TRRAP: variants seen among roughly 807,000 people sequenced by gnomAD.
TRRAP encodes transformation/transcription domain associated protein.
In TRRAP, 41 loss-of-function variants were observed where a neutral mutation model predicts 438.8. The ratio of observed to expected loss-of-function variants is 0.09; its 90% CI spans 0.07 to 0.12. TRRAP has a LOEUF of 0.12. Among genes scored for constraint, TRRAP ranks in the 10% least tolerant of loss-of-function variants. The probability of loss-of-function intolerance (pLI) is 1.00; values close to 1 mark genes in which losing one functional copy is unlikely to be tolerated. For synonymous variants in TRRAP, 1,994 were observed against 1,962.9 expected (o/e 1.02, Z -0.42); for missense variants, 3,122 against 5,055.1 (o/e 0.62, Z 11.60).
At position 98,981,841 on chromosome 7, in the gene TRRAP, C is replaced by T; in HGVS notation, c.8707C>T (p.Pro2903Ser). 6.2e-7 allele frequency: 1 copy of T among 1,606,386 alleles called. No individual in the cohort carries two copies. The highest frequency in any genetic ancestry group is 8.5e-7 in the Non-Finnish European group (1 of 1,177,106). The change falls in exon 59 of 73, where the codon CCC (proline) becomes TCC (serine). Residue 2903 changes from proline (P) to serine (S), a missense_variant. Physicochemically the swap from Pro to Ser is moderately conservative, Grantham distance 74. Coordinates refer to ENST00000456197, the MANE Select transcript of TRRAP (RefSeq NM_001375524.1). ...CCGCGGATACCTGGCCATCTGCCAC[C>T]CCGAGGAGCAGCAGCTCAGCTTCAT... ...MYRGYLAICH[P>S]EEQQLSFIER...
At chr7:98,918,785 G>A (rs1584310269) in intron 20 of TRRAP, among the ~76,000 whole-genome samples, 1 of 152,108 alleles carries the variant, frequency 6.6e-6, no homozygotes, top group East Asian at 1.9e-4. Context: ...GCCAGGCACT[G>A]TGGCTCACGC....
intron 18 of TRRAP, 115 bp from the exon 19 acceptor site, chr7:98,915,608 A>G: frequency 7.6e-7 from 1 of 1,318,840 alleles, no homozygotes; most frequent in Admixed American, 2.3e-5. Flanking sequence ...CCTTTGGAGT[A>G]AACACATCAG....
At chr7:98,999,715 G>T in intron 67 of TRRAP, 1 of 756,274 alleles carries the variant, frequency 1.3e-6, no homozygotes, top group Non-Finnish European at 2.3e-6. Context: ...CAGCACAAGT[G>T]GAGGGAGAAA....
rs1398897728 is a variant in TRRAP at position 99,005,353 on chromosome 7, G to A, written c.10753+5G>A. 1.9e-6 allele frequency: 3 copies of A among 1,613,832 alleles called. No homozygotes were observed. The East Asian group carries it at 6.7e-5, about 36-fold the overall frequency. ...AGAGGCACTTGTTTTTCACAGGTAG[G>A]GTTGAGAGCCACAGCTCGCTGGGTA... On this transcript the variant is annotated splice_donor_5th_base_variant and intron_variant, in intron 69 of 72. Coordinates refer to ENST00000456197, the MANE Select transcript of TRRAP (RefSeq NM_001375524.1). The surrounding 1 kb of genome is among the most constrained non-coding windows in gnomAD (Gnocchi z 5.1).
intron 52 of TRRAP, 66 bp from the exon 53 acceptor site, chr7:98,971,733 G>A: frequency 1.3e-6 from 2 of 1,556,806 alleles, no homozygotes; most frequent in Non-Finnish European, 1.7e-6. Context: ...GCCTACAGGA[G>A]GTGTGTTTGT....
chr7:99,002,367 G>A (rs34752106), intron 67 of TRRAP, among the ~76,000 whole-genome samples: 3 of 152,360 alleles, frequency 2.0e-5, no homozygotes, highest in South Asian at 2.1e-4. Flanking sequence ...TGTTGGCATC[G>A]CACTGGGTTG....
In TRRAP at chr7:98,994,450, C is replaced by G; in HGVS notation, c.10048-137C>G. 3 of 1,273,626 alleles carry G rather than the reference C, an allele frequency of 2.4e-6. No individual in the cohort carries two copies. Among genetic ancestry groups the G allele is most frequent in the Non-Finnish European group, 3.3e-6 (3 of 913,636 alleles). 78.9% of individuals were successfully genotyped at this position (1,273,626 alleles called of 1,614,324 possible). On this transcript the variant is annotated intron_variant, in intron 66 of 72. Transcript: ENST00000456197. The surrounding 1 kb of genome is among the most constrained non-coding windows in gnomAD (Gnocchi z 4.8). ...GTTTCTTGCACACGCCGATTTCATG[C>G]CTGCTGTGTGTGGGTCCTGCCGGGG... is the stretch of plus-strand genomic sequence containing the variant.
chr7:98,939,327 T>C (rs2116555267), intron 30 of TRRAP, among the ~76,000 whole-genome samples: 1 of 152,330 alleles, frequency 6.6e-6, no homozygotes, highest in Middle Eastern at 3.4e-3. Flanking sequence ...TATGGATACA[T>C]TGTGTGTGAT....
At chr7:98,973,196 T>C (rs1412478573) in intron 53 of TRRAP, among the ~76,000 whole-genome samples, 1 of 152,166 alleles carries the variant, frequency 6.6e-6, no homozygotes, top group African/African-American at 2.4e-5. Flanking sequence ...GCCAGGCTGA[T>C]CTTGAACTCC....
chr7:98,887,322 A>G (rs1300648440), intron 3 of TRRAP, among the ~76,000 whole-genome samples: 1 of 152,170 alleles, frequency 6.6e-6, no homozygotes, highest in Non-Finnish European at 1.5e-5. Flanking sequence ...ATAACCTGGC[A>G]GTTAGTTCAG....
chr7:98,951,507 T>C (rs1411042352), intron 39 of TRRAP, among the ~76,000 whole-genome samples: 1 of 152,198 alleles, frequency 6.6e-6, no homozygotes, highest in African/African-American at 2.4e-5. Context: ...CTTTACAGTT[T>C]GTGTTAGAGA....
chr7:99,012,342 A>C lies in TRRAP; in HGVS notation c.11609A>C (p.His3870Pro). ...CTGTGCCGCATGGACCCCGCCTGGC[A>C]CCCCTGGCTGTGACTGTGGCCGCCA... ...DNLCRMDPAWHPWL is the reference protein window; with the variant it reads ...DNLCRMDPAWPPWL Residue 3870 changes from histidine to proline, a missense_variant, in exon 73 of 73, where the codon CAC becomes CCC. His to Pro is a moderately conservative substitution (Grantham distance 77). Around this residue, in one of 24 missense-constraint regions of TRRAP, gnomAD observed 192 missense variants for 355.6 expected, o/e 0.54. Transcript: ENST00000456197. This position sits in a 1 kb window ranked among gnomAD's most constrained non-coding sequence, Gnocchi z 5.9. 1 of 1,598,522 alleles carries C rather than the reference A, an allele frequency of 6.3e-7. No homozygotes were observed.
intron 20 of TRRAP, among the ~76,000 whole-genome samples, chr7:98,917,996 C>G (rs1789591592): frequency 6.6e-6 from 1 of 151,792 alleles, no homozygotes; most frequent in African/African-American, 2.4e-5. Context: ...GTGGCCGACA[C>G]CTGTAATCCC....
At chr7:98,884,609 C>A (rs1178058141) in intron 3 of TRRAP, among the ~76,000 whole-genome samples, 2 of 152,156 alleles carry the variant, frequency 1.3e-5, no homozygotes, top group Non-Finnish European at 2.9e-5. Flanking sequence ...GCAGTCCAGC[C>A]CTCAGCTGTC....
chr7:98,925,016 A>G, intron 21 of TRRAP, 96 bp from the exon 22 acceptor site: 1 of 1,475,872 alleles, frequency 6.8e-7, no homozygotes, highest in Non-Finnish European at 9.0e-7. Context: ...AAAAAAAAAA[A>G]AGATTCTTCT....
In TRRAP at chr7:98,967,705, A is replaced by G. The variant is rs75644503; in HGVS notation, c.7512+7A>G. ...GATCAAGCAGTGCATTGAGGTAGGA[A>G]GACTCGGCTCACATCTGTGGCCGGG... is the stretch of plus-strand genomic sequence containing the variant. On this transcript the variant is annotated splice_region_variant and intron_variant, in intron 51 of 72. Transcript: ENST00000456197. 1,996 of 1,612,026 alleles carry G rather than the reference A, an allele frequency of 1.2e-3. 19 individuals carry two copies. In the African/African-American group the frequency reaches 0.02, roughly 16 times the overall value.
intron 16 of TRRAP, 55 bp from the exon 17 acceptor site, chr7:98,911,020 CAT>C (rs1789245010): frequency 6.7e-7 from 1 of 1,487,644 alleles, no homozygotes. Context: ...CATAATGGAA[CAT>C]ATTCAGAGAG....
intron 48 of TRRAP, 48 bp downstream of exon 48, chr7:98,964,823 A>G: frequency 6.4e-7 from 1 of 1,572,442 alleles, no homozygotes. Context: ...TGTTGAACAG[A>G]GAACAGACTC....
At position 99,012,250 on chromosome 7, in the gene TRRAP, C is replaced by A. The variant is rs762119583; in HGVS notation, c.11517C>A (p.Leu3839=). 1.2e-6 allele frequency: 2 copies of A among 1,614,090 alleles called. No individual in the cohort carries two copies. Among genetic ancestry groups the A allele is most frequent in the Non-Finnish European group, 1.7e-6 (2 of 1,180,006 alleles). The stretch of plus-strand genomic sequence containing the variant: ...CCATCATGACCCGCCTGCACAACCT[C>A]GCCCAGTTCGAAGGCGGGGAAAGCA... ...VTAIMTRLHN[L]AQFEGGESKV... Residue 3839 remains leucine, a synonymous_variant, in exon 73 of 73, where the codon CTC becomes CTA. Transcript: ENST00000456197. This position sits in a 1 kb window ranked among gnomAD's most constrained non-coding sequence, Gnocchi z 5.9.
Sources: allele counts gnomAD v4.1 joint callset (sites outside exome capture counted in the v4.1 genomes callset), GRCh38; gene constraint gnomAD v4.1.1; regional missense constraint gnomAD v4.1.1; non-coding constraint Gnocchi (gnomAD v3.1); transcripts MANE v1.5; gene names NCBI Gene and HGNC (gene_info 2026-07-23, HGNC 2026-07-21).